ABCG1: variants seen among roughly 807,000 people sequenced by gnomAD.
The protein encoded by ABCG1 is ATP-binding cassette sub-family G member 1.
A neutral mutation model predicts 69.2 loss-of-function variants in ABCG1; 29 were observed. That is an observed-to-expected ratio of 0.42 (90% CI 0.31 to 0.57). ABCG1 has a LOEUF of 0.57. ABCG1 is among the 20% of genes least tolerant of loss of function. The pLI, the probability that ABCG1 is intolerant of heterozygous loss-of-function variation, is 0.15. For missense variants in ABCG1, 718 were observed against 898.1 expected, an observed-to-expected ratio of 0.80 and a Z score of 2.56; for synonymous variants, 370 against 374.8, an observed-to-expected ratio of 0.99 and a Z score of 0.15.
intron 11 of ABCG1, 92 bp downstream of exon 11, chr21:42,290,310 T>A: frequency 7.2e-7 from 1 of 1,390,054 alleles, no homozygotes; most frequent in Non-Finnish European, 9.8e-7. Context: ...ACAGATGAGT[T>A]TTCTAAACAC....
intron 4 of ABCG1, among the ~76,000 whole-genome samples, chr21:42,274,874 A>G (rs2068682981): frequency 6.6e-6 from 1 of 151,988 alleles, no homozygotes. Flanking sequence ...TTAAGAGGAG[A>G]TTGAAAATCA....
chr21:42,215,130 C>T (rs1198002434), upstream of ABCG1, among the ~76,000 whole-genome samples: 1 of 152,162 alleles, frequency 6.6e-6, no homozygotes, highest in African/African-American at 2.4e-5. Context: ...GATTCAGAGA[C>T]CTGTTGTTGG....
intron 2 of ABCG1, among the ~76,000 whole-genome samples, chr21:42,269,416 T>A (rs567534204): frequency 4.5e-4 from 69 of 152,306 alleles, no homozygotes; most frequent in South Asian, 8.3e-4. Context: ...TTCCCGGTCC[T>A]CCTCCAGCCC....
chr21:42,263,121 T>C (rs2068442099), intron 2 of ABCG1, among the ~76,000 whole-genome samples: 1 of 152,208 alleles, frequency 6.6e-6, no homozygotes. Context: ...AATGTAAACA[T>C]TCAGTGCCTT....
upstream of ABCG1, among the ~76,000 whole-genome samples, chr21:42,212,457 G>C (rs758553961): frequency 2.0e-5 from 3 of 152,190 alleles, no homozygotes; most frequent in East Asian, 5.8e-4. Context: ...AGGCCACTCT[G>C]TTGAGGTGTC....
intron 5 of ABCG1, among the ~76,000 whole-genome samples, chr21:42,278,210 C>A (rs1221171977): frequency 6.6e-6 from 1 of 152,100 alleles, no homozygotes; most frequent in Non-Finnish European, 1.5e-5. Flanking sequence ...GAAGACCCAG[C>A]CTTGTGAGTT....
chr21:42,293,536 C>T (rs1383064788), intron 13 of ABCG1, among the ~76,000 whole-genome samples: 1 of 138,652 alleles, frequency 7.2e-6, no homozygotes, highest in Admixed American at 7.4e-5. Context: ...TACTACACAC[C>T]ACGCACTACA....
intron 5 of ABCG1, among the ~76,000 whole-genome samples, chr21:42,278,975 C>T (rs2068758044): frequency 6.6e-6 from 1 of 152,080 alleles, no homozygotes; most frequent in Non-Finnish European, 1.5e-5. Context: ...GAAGCAGAGG[C>T]TTTTCCACCC....
Position 42,241,820 on chromosome 21 carries a change from TAA to T in ABCG1, c.286+15919_286+15920del, listed in dbSNP as rs35522463. Reference sequence around the variant, plus strand: ...TGGGCATCAGAGACCCTATCTCTATTAAAAAAAAAAAAAAGCCAGGCATGGGG... The same window carrying T: ...TGGGCATCAGAGACCCTATCTCTATTAAAAAAAAAAAAGCCAGGCATGGGG... On this transcript the variant is annotated intron_variant, in intron 2 of 14. Transcript: ENST00000398449. 2.6e-3 allele frequency among the ~76,000 whole-genome samples: 363 copies of T among 140,974 alleles called. 3 individuals carry two copies. The highest frequency in any genetic ancestry group is 5.2e-3 in the African/African-American group (197 of 38,154). 92.5% of individuals were successfully genotyped at this position (140,974 alleles called of 152,430 possible). A position where few individuals can be genotyped will look rare whatever the true frequency, so the allele number is the denominator to read the frequency against.
At chr21:42,265,196 C>T (rs1246812310) in intron 2 of ABCG1, among the ~76,000 whole-genome samples, 3 of 152,230 alleles carry the variant, frequency 2.0e-5, no homozygotes, top group Non-Finnish European at 4.4e-5. Flanking sequence ...TTCCTGCACC[C>T]ACAGGTCAGT....
chr21:42,252,049 G>A (rs943672234), intron 2 of ABCG1, among the ~76,000 whole-genome samples: 2 of 152,324 alleles, frequency 1.3e-5, no homozygotes, highest in South Asian at 2.1e-4. Context: ...CTGTGGAAAC[G>A]GAACCGCTGA....
intron 2 of ABCG1, among the ~76,000 whole-genome samples, chr21:42,252,126 C>T (rs2068232400): frequency 6.6e-6 from 1 of 152,204 alleles, no homozygotes; most frequent in South Asian, 2.1e-4. Flanking sequence ...TTGATGAGAG[C>T]ATCTGTGCCA....
intron 2 of ABCG1, among the ~76,000 whole-genome samples, chr21:42,229,588 C>G (rs57348715): frequency 2.0e-5 from 3 of 152,004 alleles, no homozygotes; most frequent in Non-Finnish European, 4.4e-5. Flanking sequence ...AGCGTGGTGG[C>G]GAGTGCCTGT....
chr21:42,294,601 C>G lies in ABCG1; in HGVS notation c.1713C>G (p.Phe571Leu). 6.2e-7 allele frequency: 1 copy of G among 1,614,224 alleles called. No individual in the cohort carries two copies. The highest frequency in any genetic ancestry group is 8.5e-7 in the Non-Finnish European group (1 of 1,180,018). Reference protein sequence around the residue: ...AIPVLLFSGFFVSFDTIPTYL... With the variant: ...AIPVLLFSGFLVSFDTIPTYL... ...CGGTGCTCCTGTTCTCGGGGTTCTTCGTCAGCTTCGACACCATCCCCACGT... is the reference window on the plus strand; with the variant it reads ...CGGTGCTCCTGTTCTCGGGGTTCTTGGTCAGCTTCGACACCATCCCCACGT... Residue 571 changes from phenylalanine (F) to leucine (L), a missense_variant, in exon 14 of 15, where the codon TTC becomes TTG. Phe to Leu is a conservative substitution (Grantham distance 22). Transcript: ENST00000398449.
chr21:42,218,613 G>T (rs926524808), upstream of ABCG1, among the ~76,000 whole-genome samples: 4 of 152,214 alleles, frequency 2.6e-5, no homozygotes, highest in African/African-American at 9.7e-5. Context: ...TCACTGCCAG[G>T]GGTCACCCCA....
intron 2 of ABCG1, among the ~76,000 whole-genome samples, chr21:42,270,258 T>TAA (rs1345217216): frequency 2.9e-5 from 1 of 34,850 alleles, no homozygotes; most frequent in African/African-American, 1.9e-4. Flanking sequence ...AGACTCAGTC[T>TAA]CAAAAAAAAA....
chr21:42,243,441 TGTGC>T (rs10590039), intron 2 of ABCG1, among the ~76,000 whole-genome samples: 33,157 of 106,764 alleles, frequency 0.31, 4,065 homozygotes, highest in African/African-American at 0.44. Context: ...ATACCGTGTG[TGTGC>T]GCGTGTGTGT....
intron 2 of ABCG1, among the ~76,000 whole-genome samples, chr21:42,241,367 G>A (rs113560275): frequency 0.031 from 4,716 of 152,302 alleles, 130 homozygotes; most frequent in Middle Eastern, 0.048. Flanking sequence ...CACTTTGGGA[G>A]GCTGAGGCGG....
Position 42,288,591 on chromosome 21 carries a change from C to T in ABCG1, c.1224+279C>T, listed in dbSNP as rs1228179493. 6.6e-6 allele frequency among the ~76,000 whole-genome samples: 1 copy of T among 152,106 alleles called. No individual in the cohort carries two copies. ...GCCTGGTAGTGCATGCCTGTAATCC[C>T]AGCTACTCAGGAGGCTGGGGCAGGA... On this transcript the variant is annotated intron_variant, in intron 10 of 14. Coordinates refer to ENST00000398449, the MANE Select transcript of ABCG1 (RefSeq NM_016818.3). The surrounding 1 kb of genome is among the most constrained non-coding windows in gnomAD (Gnocchi z 4.8).
Sources: gnomAD v4.1 joint callset for allele counts (sites outside exome capture counted in the v4.1 genomes callset) on GRCh38, gnomAD v4.1.1 for gene constraint, Gnocchi (gnomAD v3.1) non-coding constraint, MANE v1.5 for transcripts, NCBI Gene and HGNC (gene_info 2026-07-23, HGNC 2026-07-21) for gene names.